The following SHANK2 variants were observed in gnomAD, a reference collection of about 807,000 sequenced individuals.
SHANK2 encodes SH3 and multiple ankyrin repeat domains protein 2.
A neutral mutation model predicts 133.7 loss-of-function variants in SHANK2; 43 were observed. The ratio of observed to expected loss-of-function variants is 0.32; its 90% CI spans 0.25 to 0.41. SHANK2 has a LOEUF of 0.41. Among genes scored for constraint, SHANK2 ranks in the 10% least tolerant of loss-of-function variants. SHANK2 has a pLI of 1.00. For synonymous variants in SHANK2, 1,017 were observed against 952.8 expected (o/e 1.07, Z -1.24); for missense variants, 1,994 against 2,235.8 (o/e 0.89, Z 2.18).
chr11:70,537,146 G>A (rs11236578), intron 17 of SHANK2, among the ~76,000 whole-genome samples: 73,828 of 151,748 alleles, frequency 0.49, 19,450 homozygotes, highest in Non-Finnish European at 0.6. Context: ...TTCCCTGAGC[G>A]CCCCCCTCTC....
intron 14 of SHANK2, among the ~76,000 whole-genome samples, chr11:70,757,284 C>T (rs558967091): frequency 1.3e-5 from 2 of 152,322 alleles, no homozygotes; most frequent in East Asian, 3.9e-4. Flanking sequence ...CACTCTCTAG[C>T]CTCGGTTTCC....
At chr11:71,086,045 A>ATATAT (rs1951400480) in intron 8 of SHANK2, among the ~76,000 whole-genome samples, 2 of 76,176 alleles carry the variant, frequency 2.6e-5, no homozygotes, top group African/African-American at 5.7e-5. Context: ...ATATTATATA[A>ATATAT]TATGTTATAT....
chr11:70,890,692 G>A (rs1476661622), intron 11 of SHANK2, among the ~76,000 whole-genome samples: 9 of 151,770 alleles, frequency 5.9e-5, no homozygotes, highest in East Asian at 1.9e-4. Flanking sequence ...CTACCTACTC[G>A]GGAGGCTGAG....
At chr11:70,665,163 CG>C (rs1944655936) in intron 15 of SHANK2, among the ~76,000 whole-genome samples, 1 of 152,106 alleles carries the variant, frequency 6.6e-6, no homozygotes, top group South Asian at 2.1e-4. Context: ...AAATTAGAGA[CG>C]GGGTTTTGCT....
At chr11:71,065,615 C>T (rs1457732798) in intron 9 of SHANK2, among the ~76,000 whole-genome samples, 1 of 12,202 alleles carries the variant, frequency 8.2e-5, no homozygotes, top group African/African-American at 4.6e-4. Flanking sequence ...GGGGACGTTG[C>T]AGGGGGGTGT....
At chr11:70,651,214 C>T (rs544878014) in intron 17 of SHANK2, among the ~76,000 whole-genome samples, 2 of 152,174 alleles carry the variant, frequency 1.3e-5, no homozygotes, top group African/African-American at 2.4e-5. Context: ...GCCATGGTCC[C>T]CTGAAGTGAT....
rs1555154296 is a variant in SHANK2 at position 70,487,261 on chromosome 11, C to G, written c.3032G>C (p.Gly1011Ala). Residue 1011 changes from glycine to alanine, a missense_variant, in exon 25 of 26, where the codon GGG becomes GCG. Physicochemically the swap from Gly to Ala is moderately conservative, Grantham distance 60. Coordinates refer to ENST00000601538, the MANE Select transcript of SHANK2 (RefSeq NM_012309.5). This position sits in a 1 kb window ranked among gnomAD's most constrained non-coding sequence, Gnocchi z 5.8. ...YVPAKPARRK[G>A]MLVKQSNVED... ...CACGTTGGACTGCTTCACCAGCATCCCCTTCCGCCTGGCGGGCTTGGCGGG... is the reference window on the plus strand; with the variant it reads ...CACGTTGGACTGCTTCACCAGCATCGCCTTCCGCCTGGCGGGCTTGGCGGG... 1 of 1,614,192 alleles carries G rather than the reference C, an allele frequency of 6.2e-7. No homozygotes were observed. Among genetic ancestry groups the G allele is most frequent in the Admixed American group, 1.7e-5 (1 of 60,026 alleles).
At position 71,069,326 on chromosome 11, in the gene SHANK2, TATC is replaced by T. The variant is rs1427812179; in HGVS notation, c.1029+5830_1029+5832del. On this transcript the variant is annotated intron_variant, in intron 9 of 25. Transcript: ENST00000601538. ...CACCATCATCACTATCAACCACCAC[TATC>T]ATCATCACCACCTTCATCATTGCCA... Among the ~76,000 whole-genome samples the T allele has an allele frequency of 7.3e-5, 11 of 150,448 alleles. No individual in the cohort carries two copies. The East Asian group carries it at 7.9e-4, about 11-fold the overall frequency.
intron 17 of SHANK2, among the ~76,000 whole-genome samples, chr11:70,521,644 ATGTG>A (rs571658417): frequency 5.7e-4 from 87 of 152,270 alleles, no homozygotes; most frequent in African/African-American, 2.1e-3. Flanking sequence ...CTGTATGTGT[ATGTG>A]TGTGTGCACG....
intron 10 of SHANK2, among the ~76,000 whole-genome samples, chr11:70,921,941 A>C (rs1024227711): frequency 2.0e-5 from 3 of 152,232 alleles, no homozygotes; most frequent in Non-Finnish European, 2.9e-5. Context: ...AAAGAGAAAA[A>C]ACAGTCAATA....
At chr11:71,157,396 G>T (rs772608090) in intron 2 of SHANK2, among the ~76,000 whole-genome samples, 3 of 152,194 alleles carry the variant, frequency 2.0e-5, no homozygotes, top group Non-Finnish European at 4.4e-5. Context: ...TCTTGAGAAG[G>T]ACTGGTGAGA....
At chr11:70,955,425 GTGT>G (rs1950905675) in intron 10 of SHANK2, among the ~76,000 whole-genome samples, 31 of 30,586 alleles carry the variant, frequency 1.0e-3, no homozygotes, top group Non-Finnish European at 6.3e-3. Flanking sequence ...CCCACGGGGT[GTGT>G]GTGTGTGTGT....
chr11:70,499,394 A>G (rs992080088), intron 21 of SHANK2, among the ~76,000 whole-genome samples: 5 of 152,012 alleles, frequency 3.3e-5, no homozygotes, highest in Non-Finnish European at 5.9e-5. Context: ...ACCCTGGGGG[A>G]GGAGGGTGGT....
At chr11:71,109,767 G>A (rs1951863555) in intron 6 of SHANK2, among the ~76,000 whole-genome samples, 174 bp downstream of exon 6, 1 of 152,254 alleles carries the variant, frequency 6.6e-6, no homozygotes, top group Non-Finnish European at 1.5e-5. Flanking sequence ...TGGACAAGGC[G>A]GGCTCGGCCC....
intron 11 of SHANK2, among the ~76,000 whole-genome samples, chr11:70,884,594 C>T (rs1178038165): frequency 6.6e-6 from 1 of 152,220 alleles, no homozygotes; most frequent in Non-Finnish European, 1.5e-5. Context: ...AAGGGAATGA[C>T]CATTGAAACT....
At chr11:70,520,534 G>C (rs1554970831) in intron 17 of SHANK2, among the ~76,000 whole-genome samples, 1 of 152,190 alleles carries the variant, frequency 6.6e-6, no homozygotes, top group African/African-American at 2.4e-5. Context: ...ACTTTTCGCT[G>C]TTGGTGCTGG....
chr11:71,069,889 G>A (rs1279408384), intron 9 of SHANK2, among the ~76,000 whole-genome samples: 4 of 152,194 alleles, frequency 2.6e-5, no homozygotes, highest in Non-Finnish European at 5.9e-5. Flanking sequence ...TGCCCTGTGT[G>A]TGTGTGCCCT....
In SHANK2 at chr11:70,592,869, C is replaced by T. The variant is rs187655470; in HGVS notation, c.2061+66959G>A. On this transcript the variant is annotated intron_variant, in intron 17 of 25. Coordinates refer to ENST00000601538, the MANE Select transcript of SHANK2 (RefSeq NM_012309.5). ...CCAGCAGAGGGACACCCAGACATCC[C>T]CACCTCGCCTGGGGTAGCACTCAGG... Among the ~76,000 whole-genome samples the T allele has an allele frequency of 1.8e-4, 28 of 152,338 alleles. 1 individual carries two copies. In the East Asian group the frequency reaches 5.2e-3, roughly 28 times the overall value.
At chr11:70,854,938 A>G (rs1555066549) in intron 11 of SHANK2, among the ~76,000 whole-genome samples, 1 of 152,168 alleles carries the variant, frequency 6.6e-6, no homozygotes, top group Non-Finnish European at 1.5e-5. Flanking sequence ...TTGTTTTTGC[A>G]GAAATCCAGA....
Sources: gnomAD v4.1 joint callset for allele counts (sites outside exome capture counted in the v4.1 genomes callset) on GRCh38, gnomAD v4.1.1 for gene constraint, Gnocchi (gnomAD v3.1) non-coding constraint, MANE v1.5 for transcripts, NCBI Gene and HGNC (gene_info 2026-07-23, HGNC 2026-07-21) for gene names.